The following ZNF638 variants were observed in gnomAD, a reference collection of about 807,000 sequenced individuals.
ZNF638 encodes the protein zinc finger protein 638.
A neutral mutation model predicts 195.6 loss-of-function variants in ZNF638; 46 were observed. The observed-to-expected ratio is 0.24, with a 90% CI of 0.19 to 0.30. ZNF638 has a LOEUF of 0.30. Among genes scored for constraint, ZNF638 ranks in the 10% least tolerant of loss-of-function variants. ZNF638 has a pLI of 1.00. For synonymous variants in ZNF638, 845 were observed against 772.0 expected (o/e 1.09, Z -1.57); for missense variants, 2,440 against 2,325.3 (o/e 1.05, Z -1.01).
At position 71,431,575 on chromosome 2, in the gene ZNF638, C is replaced by G. The variant is rs575544053; in HGVS notation, c.5752+147C>G. On this transcript the variant is annotated intron_variant, in intron 26 of 27. Transcript: ENST00000264447. ...GAGATTGAGACCATCCTGGCTAACA[C>G]GGTGAAACCCCGTCAGTACTAAAAG... is the stretch of plus-strand genomic sequence containing the variant. 104 of 630,954 alleles carry G rather than the reference C, an allele frequency of 1.6e-4. No homozygotes were observed. The East Asian group carries it at 3.4e-3, about 21-fold the overall frequency. 39.1% of individuals were successfully genotyped at this position (630,954 alleles called of 1,614,324 possible).
chr2:71,400,189 A>G lies in ZNF638; in HGVS notation c.2656+9A>G. The G allele has an allele frequency of 6.3e-7, 1 of 1,597,978 alleles. No individual in the cohort carries two copies. The highest frequency in any genetic ancestry group is 8.5e-7 in the Non-Finnish European group (1 of 1,171,966). On this transcript the variant is annotated intron_variant, in intron 14 of 27. Transcript: ENST00000264447. Reference sequence around the variant, plus strand: ...TAAAGAAGCTATTTCTGGTAGGTCAATAGAAATTTTATTTTGTTCTTTACT... The same window carrying G: ...TAAAGAAGCTATTTCTGGTAGGTCAGTAGAAATTTTATTTTGTTCTTTACT...
At chr2:71,414,002 T>G in intron 20 of ZNF638, among the ~76,000 whole-genome samples, 1 of 103,976 alleles carries the variant, frequency 9.6e-6, no homozygotes, top group Non-Finnish European at 1.9e-5. Context: ...TAAAATGAGT[T>G]AGGGAGGATT....
intron 1 of ZNF638, among the ~76,000 whole-genome samples, chr2:71,339,250 C>T (rs182522950): frequency 6.6e-6 from 1 of 151,576 alleles, no homozygotes; most frequent in Admixed American, 6.6e-5. Context: ...CTCCCAGGTG[C>T]AAGTAGATTC....
chr2:71,332,062 A>AGCTGT (rs1300796995), intron 1 of ZNF638, among the ~76,000 whole-genome samples, 187 bp downstream of exon 1: 1 of 152,100 alleles, frequency 6.6e-6, no homozygotes, highest in Non-Finnish European at 1.5e-5. Flanking sequence ...TGGGAAGGGA[A>AGCTGT]GCTGTGCTGT....
At chr2:71,353,184 C>T (rs1247187692) in intron 2 of ZNF638, among the ~76,000 whole-genome samples, 1 of 152,100 alleles carries the variant, frequency 6.6e-6, no homozygotes, top group Non-Finnish European at 1.5e-5. Flanking sequence ...TATGTATATT[C>T]CCCACCTTCG....
chr2:71,376,846 A>G (rs1276844637), intron 8 of ZNF638, among the ~76,000 whole-genome samples: 1 of 152,210 alleles, frequency 6.6e-6, no homozygotes, highest in Non-Finnish European at 1.5e-5. Context: ...TAACCTCGAC[A>G]TCCATTCTTA....
chr2:71,368,414 G>T lies in ZNF638; in HGVS notation c.2028G>T (p.Ser676=). The change falls in exon 7 of 28, where the codon TCG becomes TCT. Residue 676 remains serine, a synonymous_variant. Coordinates refer to ENST00000264447, the MANE Select transcript of ZNF638 (RefSeq NM_014497.5). ...LRKEQSLHYG[S]VLLITELPED... Reference sequence around the variant, plus strand: ...AAGAACAGTCATTGCATTATGGTTCGGTTCTTCTTATAACTGAATTACCAG... The same window carrying T: ...AAGAACAGTCATTGCATTATGGTTCTGTTCTTCTTATAACTGAATTACCAG... The T allele has an allele frequency of 6.2e-7, 1 of 1,612,700 alleles. No individual in the cohort carries two copies. Among genetic ancestry groups the T allele is most frequent in the Non-Finnish European group, 8.5e-7 (1 of 1,179,528 alleles).
chr2:71,403,818 G>A, intron 16 of ZNF638, 52 bp from the exon 17 acceptor site: 1 of 1,345,328 alleles, frequency 7.4e-7, no homozygotes, highest in Non-Finnish European at 1.0e-6. Context: ...GTCTGTTTTT[G>A]AGAAAAAGTA....
At position 71,369,892 on chromosome 2, in the gene ZNF638, G is replaced by C. The variant is rs1304825166; in HGVS notation, c.2152G>C (p.Glu718Gln). 1 of 1,577,156 alleles carries C rather than the reference G, an allele frequency of 6.3e-7. No homozygotes were observed. Among genetic ancestry groups the C allele is most frequent in the Non-Finnish European group, 8.6e-7 (1 of 1,168,238 alleles). The part of the protein sequence containing the change: ...IVPYRKEAYL[E>Q]MEFKEAITAI... ...ATAAATTTCATTTTAGGCTTACCTA[G>C]AAATGGAATTTAAAGAGGCAATTAC... The change falls in exon 8 of 28, where the codon GAA becomes CAA. Residue 718 changes from glutamate (E) to glutamine (Q), a missense_variant. Glu to Gln is a conservative substitution (Grantham distance 29, BLOSUM62 2). Around this residue, in one of 5 missense-constraint regions of ZNF638, gnomAD observed 1,883 missense variants for 1,739.1 expected, o/e 1.08. Transcript: ENST00000264447.
intron 10 of ZNF638, among the ~76,000 whole-genome samples, chr2:71,383,201 G>A (rs2079565619): frequency 6.6e-6 from 1 of 152,092 alleles, no homozygotes; most frequent in African/African-American, 2.4e-5. Context: ...AGTAGTCCCA[G>A]CTACTCAGGA....
In ZNF638 at chr2:71,363,145, C is replaced by T; in HGVS notation, c.1380-8C>T. 6.3e-7 allele frequency: 1 copy of T among 1,590,666 alleles called. No homozygotes were observed. The highest frequency in any genetic ancestry group is 8.6e-7 in the Non-Finnish European group (1 of 1,164,938). ...GCTGTTAGTTAATATTGTTTATTTT[C>T]AAAATAGGTATCCTGATTGGAATCC... On this transcript the variant is annotated splice_polypyrimidine_tract_variant and splice_region_variant and intron_variant, in intron 3 of 27. Transcript: ENST00000264447.
rs112788998 is a variant in ZNF638 at position 71,370,404 on chromosome 2, A to G, written c.2265+399A>G. On this transcript the variant is annotated intron_variant, in intron 8 of 27. Transcript: ENST00000264447. ...CATAGTTGAGTTTTGCCTGTTTTCA[A>G]CTTTACATAAACAAAATCGTATAGT... is the stretch of plus-strand genomic sequence containing the variant. Among the ~76,000 whole-genome samples the G allele has an allele frequency of 9.5e-3, 1,446 of 152,274 alleles. 22 individuals are homozygous for G. Among genetic ancestry groups the G allele is most frequent in the African/African-American group, 0.033 (1,373 of 41,538 alleles).
intron 2 of ZNF638, among the ~76,000 whole-genome samples, chr2:71,352,477 C>G (rs1466016132): frequency 3.4e-5 from 3 of 88,400 alleles, no homozygotes; most frequent in Middle Eastern, 5.0e-3. Context: ...GACTCCATCT[C>G]AAAAAAAATA....
intron 11 of ZNF638, among the ~76,000 whole-genome samples, chr2:71,396,582 T>C (rs1189044439): frequency 6.6e-6 from 1 of 152,226 alleles, no homozygotes; most frequent in African/African-American, 2.4e-5. Flanking sequence ...TTCCAGTTTT[T>C]CTCCCAGTTC....
intron 11 of ZNF638, among the ~76,000 whole-genome samples, chr2:71,397,025 A>G (rs185691905): frequency 7.2e-5 from 11 of 152,318 alleles, no homozygotes; most frequent in Non-Finnish European, 1.5e-4. Context: ...AAAAATCATT[A>G]TTAGTGGCAG....
intron 1 of ZNF638, among the ~76,000 whole-genome samples, chr2:71,343,554 T>G (rs2078800093): frequency 6.6e-6 from 1 of 152,060 alleles, no homozygotes; most frequent in African/African-American, 2.4e-5. Flanking sequence ...AGTGATCGAG[T>G]AGAAGGCATT....
At chr2:71,433,451 G>GTGAATTCTT in intron 27 of ZNF638, 168 bp downstream of exon 27, 1 of 569,582 alleles carries the variant, frequency 1.8e-6, no homozygotes. Context: ...GTAATTTCTA[G>GTGAATTCTT]TCCTTATTCC....
chr2:71,390,244 C>T (rs775109278), intron 10 of ZNF638, among the ~76,000 whole-genome samples: 1 of 152,196 alleles, frequency 6.6e-6, no homozygotes, highest in Non-Finnish European at 1.5e-5. Flanking sequence ...TGGGCAATGC[C>T]AGCGGCTTTC....
chr2:71,388,324 T>A (rs1208317588), intron 10 of ZNF638: 1 of 477,570 alleles, frequency 2.1e-6, no homozygotes, highest in East Asian at 4.4e-5. Context: ...CGACCTTTGA[T>A]CATCCGACCT....
Sources: allele counts gnomAD v4.1 joint callset (sites outside exome capture counted in the v4.1 genomes callset), GRCh38; gene constraint gnomAD v4.1.1; regional missense constraint gnomAD v4.1.1; transcripts MANE v1.5; gene names NCBI Gene and HGNC (gene_info 2026-07-23, HGNC 2026-07-21).